The following ZNF385D variants were observed in gnomAD, a reference collection of about 807,000 sequenced individuals.
The protein encoded by ZNF385D is zinc finger protein 385D.
ZNF385D carries 15 observed loss-of-function variants against 35.8 expected under a neutral mutation model. The observed-to-expected ratio is 0.42, with a 90% CI of 0.28 to 0.64. The LOEUF (loss-of-function observed/expected upper bound fraction) is 0.64, where lower values mean the gene tolerates loss of function less well. Ranked by LOEUF, ZNF385D falls within the 30% of genes least tolerant of loss-of-function variation. ZNF385D has a pLI of 0.23. For synonymous variants in ZNF385D, 212 were observed against 186.8 expected, an observed-to-expected ratio of 1.13 and a Z score of -1.10; for missense variants, 474 against 494.6, an observed-to-expected ratio of 0.96 and a Z score of 0.39.
chr3:21,988,940 G>A (rs541985107), intron 3 of ZNF385D, among the ~76,000 whole-genome samples: 112 of 152,258 alleles, frequency 7.4e-4, no homozygotes, highest in East Asian at 4.5e-3. Flanking sequence ...TTCCAGGTGC[G>A]TCCATCACCC....
intron 3 of ZNF385D, among the ~76,000 whole-genome samples, chr3:21,540,399 C>A (rs2062144524): frequency 6.6e-6 from 1 of 152,156 alleles, no homozygotes; most frequent in South Asian, 2.1e-4. Context: ...ATGATTTGTA[C>A]TGGCCTCCAG....
intron 2 of ZNF385D, among the ~76,000 whole-genome samples, chr3:22,272,203 T>G (rs1701213640): frequency 6.6e-6 from 1 of 152,032 alleles, no homozygotes; most frequent in Non-Finnish European, 1.5e-5. Flanking sequence ...GGCTAGGACT[T>G]TCACATTCAG....
chr3:21,828,446 G>T (rs1694792663), intron 3 of ZNF385D, among the ~76,000 whole-genome samples: 1 of 152,072 alleles, frequency 6.6e-6, no homozygotes, highest in South Asian at 2.1e-4. Context: ...ATGGGGGGAG[G>T]GGATTTTGTA....
At chr3:22,244,989 C>T (rs1699697146) in intron 2 of ZNF385D, among the ~76,000 whole-genome samples, 1 of 152,042 alleles carries the variant, frequency 6.6e-6, no homozygotes, top group Admixed American at 6.6e-5. Flanking sequence ...CTACCTTATT[C>T]CTTTTGTCTG....
At chr3:21,819,780 T>C (rs991333743) in intron 3 of ZNF385D, among the ~76,000 whole-genome samples, 1 of 43,774 alleles carries the variant, frequency 2.3e-5, no homozygotes, top group Non-Finnish European at 5.9e-5. Context: ...TTAATACACA[T>C]AAATATAATA....
At chr3:21,545,599 T>C (rs1345745185) in intron 3 of ZNF385D, among the ~76,000 whole-genome samples, 1 of 152,204 alleles carries the variant, frequency 6.6e-6, no homozygotes, top group East Asian at 1.9e-4. Flanking sequence ...GTTGTTTGGA[T>C]GACAGCAATA....
At chr3:22,141,453 C>T (rs938904239) in intron 3 of ZNF385D, among the ~76,000 whole-genome samples, 1 of 152,096 alleles carries the variant, frequency 6.6e-6, no homozygotes, top group Non-Finnish European at 1.5e-5. Flanking sequence ...TTGTTTACAT[C>T]TTGAGAAAGA....
At chr3:21,928,044 C>A (rs1182135271) in intron 3 of ZNF385D, among the ~76,000 whole-genome samples, 1 of 151,914 alleles carries the variant, frequency 6.6e-6, no homozygotes, top group Non-Finnish European at 1.5e-5. Flanking sequence ...GGCAACAGAG[C>A]AAGACTCGAT....
chr3:21,592,453 C>T (rs2064003538), intron 2 of ZNF385D, among the ~76,000 whole-genome samples: 1 of 147,154 alleles, frequency 6.8e-6, no homozygotes, highest in African/African-American at 2.5e-5. Flanking sequence ...ATTGATGTGT[C>T]TTGAATTACC....
chr3:21,790,331 G>A (rs1312014117), intron 3 of ZNF385D, among the ~76,000 whole-genome samples: 1 of 152,066 alleles, frequency 6.6e-6, no homozygotes, highest in Non-Finnish European at 1.5e-5. Flanking sequence ...AGATGGTGTT[G>A]AGGAAGAATG....
chr3:21,799,017 A>T (rs969760043), intron 3 of ZNF385D, among the ~76,000 whole-genome samples: 1 of 152,084 alleles, frequency 6.6e-6, no homozygotes, highest in Non-Finnish European at 1.5e-5. Context: ...CTATGGATTC[A>T]CCTATCCTGA....
intron 3 of ZNF385D, among the ~76,000 whole-genome samples, chr3:21,863,072 T>C (rs1697144312): frequency 6.6e-6 from 1 of 152,120 alleles, no homozygotes; most frequent in Non-Finnish European, 1.5e-5. Flanking sequence ...AATACACACA[T>C]AAATATTTAT....
intron 3 of ZNF385D, among the ~76,000 whole-genome samples, chr3:21,956,850 A>G (rs961377385): frequency 6.6e-6 from 1 of 151,732 alleles, no homozygotes; most frequent in East Asian, 2.0e-4. Flanking sequence ...CCTGTGATCC[A>G]CAGTCTCTCT....
intron 3 of ZNF385D, among the ~76,000 whole-genome samples, chr3:21,957,566 T>G (rs2061939): frequency 3.9e-5 from 6 of 151,902 alleles, no homozygotes; most frequent in African/African-American, 7.3e-5. Context: ...AAAACTCACA[T>G]GGCACAAGCC....
intron 3 of ZNF385D, among the ~76,000 whole-genome samples, chr3:22,085,670 C>A (rs1380179086): frequency 2.0e-5 from 3 of 151,878 alleles, no homozygotes; most frequent in Non-Finnish European, 4.4e-5. Context: ...GGTACCATTT[C>A]TTCTGAAAGT....
intron 3 of ZNF385D, among the ~76,000 whole-genome samples, chr3:21,943,884 T>C (rs1701654169): frequency 1.3e-5 from 2 of 152,178 alleles, no homozygotes; most frequent in Non-Finnish European, 2.9e-5. Flanking sequence ...ACTGTTACAT[T>C]TGACGACAAG....
chr3:22,101,663 T>C (rs546438615), intron 3 of ZNF385D, among the ~76,000 whole-genome samples: 1 of 151,646 alleles, frequency 6.6e-6, no homozygotes, highest in Non-Finnish European at 1.5e-5. Context: ...AATAGGGGCA[T>C]GTACGTTTTG....
At chr3:21,892,668 T>C (rs895655055) in intron 3 of ZNF385D, among the ~76,000 whole-genome samples, 1 of 152,158 alleles carries the variant, frequency 6.6e-6, no homozygotes, top group Non-Finnish European at 1.5e-5. Context: ...AAATTTAAAT[T>C]AAATTTAATT....
chr3:22,190,442 G>T (rs1222773871), intron 2 of ZNF385D, among the ~76,000 whole-genome samples: 3 of 152,174 alleles, frequency 2.0e-5, no homozygotes, highest in Non-Finnish European at 4.4e-5. Flanking sequence ...TGAGTGGTAA[G>T]TTCCTTTTGA....
Sources: gnomAD v4.1 joint callset for allele counts (sites outside exome capture counted in the v4.1 genomes callset) on GRCh38, gnomAD v4.1.1 for gene constraint, MANE v1.5 for transcripts, NCBI Gene and HGNC (gene_info 2026-07-23, HGNC 2026-07-21) for gene names.